TANC2: variants seen among roughly 807,000 people sequenced by gnomAD.
TANC2 encodes the protein protein TANC2.
TANC2 carries 26 observed loss-of-function variants against 210.5 expected under a neutral mutation model. The ratio of observed to expected loss-of-function variants is 0.12; its 90% CI spans 0.09 to 0.17. The LOEUF (loss-of-function observed/expected upper bound fraction) is 0.17. Among genes scored for constraint, TANC2 ranks in the 10% least tolerant of loss-of-function variants. The pLI is 1.00. For synonymous variants in TANC2, 931 were observed against 967.1 expected (o/e 0.96, Z 0.69); for missense variants, 2,129 against 2,608.9 (o/e 0.82, Z 4.01).
chr17:63,125,955 T>C (rs909123711), intron 4 of TANC2, among the ~76,000 whole-genome samples: 13 of 152,244 alleles, frequency 8.5e-5, no homozygotes, highest in African/African-American at 2.7e-4. Flanking sequence ...TTCTGACTGA[T>C]ATGCCTTACT....
intron 3 of TANC2, among the ~76,000 whole-genome samples, chr17:63,098,377 C>T (rs2037467197): frequency 6.8e-6 from 1 of 146,402 alleles, no homozygotes; most frequent in African/African-American, 2.5e-5. Flanking sequence ...GGGCTTTTAA[C>T]AAAAGTGTTG....
At chr17:62,975,555 A>ATT (rs397857262) in intron 1 of TANC2, among the ~76,000 whole-genome samples, 6 of 140,790 alleles carry the variant, frequency 4.3e-5, no homozygotes, top group African/African-American at 1.6e-4. Flanking sequence ...TTTTTTTTTA[A>ATT]TTTTTTTTTT....
chr17:63,314,453 A>G (rs754837305), exon 10 of TANC2: 2 of 1,613,954 alleles, frequency 1.2e-6, no homozygotes, highest in South Asian at 1.1e-5. Context: ...AGTGCCCAGC[A>G]TCACTACAGA....
In TANC2 at chr17:63,042,736, G is replaced by A. The variant is rs569196288; in HGVS notation, c.68-31207G>A. 5.3e-5 allele frequency among the ~76,000 whole-genome samples: 8 copies of A among 152,156 alleles called. No individual in the cohort carries two copies. In the South Asian group the frequency reaches 1.7e-3, roughly 32 times the overall value. ...TTTAAGACCTAAGTAGTTTCTGAGG[G>A]TATTGTTTATGAATCGTTCAGATTC... On this transcript the variant is annotated intron_variant, in intron 2 of 27. Transcript: ENST00000689528.
chr17:63,000,090 G>T (rs894556802), intron 1 of TANC2, among the ~76,000 whole-genome samples: 94 of 152,192 alleles, frequency 6.2e-4, no homozygotes, highest in African/African-American at 2.1e-3. Flanking sequence ...AGGATGGAGG[G>T]GTGTGGAAGG....
intron 9 of TANC2, among the ~76,000 whole-genome samples, chr17:63,284,407 TTGTC>T (rs2044157789): frequency 6.6e-6 from 1 of 152,004 alleles, no homozygotes; most frequent in Admixed American, 6.6e-5. Flanking sequence ...TTTGATGTCT[TTGTC>T]TGGTTTTAGT....
Position 63,226,454 on chromosome 17 carries a change from G to T in TANC2, c.770-11360G>T, listed in dbSNP as rs187529636. On this transcript the variant is annotated intron_variant, in intron 7 of 27. Transcript: ENST00000689528. Reference sequence around the variant, plus strand: ...TCTAGCCAGTGGTGTGCTGTGGCCAGCTAGCACCTGCAAGATTCAGTTTTT... The same window carrying T: ...TCTAGCCAGTGGTGTGCTGTGGCCATCTAGCACCTGCAAGATTCAGTTTTT... Among the ~76,000 whole-genome samples, 780 of 152,308 alleles carry T rather than the reference G, an allele frequency of 5.1e-3. 1 individual carries two copies. Among genetic ancestry groups the T allele is most frequent in the Non-Finnish European group, 7.9e-3 (538 of 68,030 alleles).
rs549314599 is a variant in TANC2, at chr17:63,305,853, A to G, written c.1160-8535A>G. On this transcript the variant is annotated intron_variant, in intron 9 of 27. Transcript: ENST00000689528. ...GGACAACCTGCCCTAAGGCACAGGAACTGGATTGGAGCAGTTTGTCAGGGT... is the reference window on the plus strand; with the variant it reads ...GGACAACCTGCCCTAAGGCACAGGAGCTGGATTGGAGCAGTTTGTCAGGGT... 6.6e-5 allele frequency among the ~76,000 whole-genome samples: 10 copies of G among 152,324 alleles called. No homozygotes were observed. In the South Asian group the frequency reaches 1.0e-3, roughly 16 times the overall value.
chr17:63,421,574 G>A lies in TANC2; in HGVS notation c.5844G>A (p.Gln1948=), dbSNP rs765178482. 7 of 1,614,006 alleles carry A rather than the reference G, an allele frequency of 4.3e-6. No homozygotes were observed. The highest frequency in any genetic ancestry group is 1.6e-4 in the Middle Eastern group (1 of 6,062). Residue 1948 remains glutamine (Q), a synonymous_variant, in exon 28 of 28, where the codon CAG becomes CAA. Coordinates refer to ENST00000689528, the Ensembl canonical transcript of TANC2. The surrounding 1 kb of genome is among the most constrained non-coding windows in gnomAD (Gnocchi z 6.9). ...AGCAGTACCCCCACCTCCACCAGCA[G>A]AATCGGACCTGGGCAGTGTCATCTG... is the stretch of plus-strand genomic sequence containing the variant.
At chr17:63,254,793 G>A (rs1359166033) in intron 8 of TANC2, among the ~76,000 whole-genome samples, 5 of 152,146 alleles carry the variant, frequency 3.3e-5, no homozygotes, top group African/African-American at 1.2e-4. Flanking sequence ...ATTTGTGTGT[G>A]TTGAACCATC....
intron 4 of TANC2, among the ~76,000 whole-genome samples, chr17:63,139,585 A>G (rs1338640510): frequency 6.6e-6 from 1 of 152,186 alleles, no homozygotes; most frequent in Non-Finnish European, 1.5e-5. Flanking sequence ...TAGCCTGGGC[A>G]ACAAGAGCGA....
chr17:63,250,083 AG>A (rs999868753), intron 8 of TANC2, among the ~76,000 whole-genome samples: 35 of 149,760 alleles, frequency 2.3e-4, no homozygotes, highest in African/African-American at 8.7e-4. Context: ...TCTAAAAAAA[AG>A]CTGTTCTTTT....
chr17:63,087,685 A>G (rs1017989741), intron 3 of TANC2, among the ~76,000 whole-genome samples: 4 of 152,182 alleles, frequency 2.6e-5, no homozygotes, highest in Non-Finnish European at 5.9e-5. Context: ...TAAAACTCAC[A>G]AAAGATTGGG....
exon 28 of TANC2, chr17:63,426,222 TCTC>T (rs2049139884): frequency 6.6e-6 from 1 of 152,198 alleles, no homozygotes; most frequent in African/African-American, 2.4e-5. Flanking sequence ...TGCAGCTCTT[TCTC>T]CTCTTCCTCT....
chr17:63,393,371 A>T (rs1349442117), intron 17 of TANC2: 1 of 152,204 alleles, frequency 6.6e-6, no homozygotes, highest in African/African-American at 2.4e-5. Flanking sequence ...CTGCTCACCA[A>T]CACACTGACC....
rs563702349 is a variant in TANC2, at chr17:62,969,358, G to T, written c.-24+2609G>T. Among the ~76,000 whole-genome samples, 22 of 152,282 alleles carry T rather than the reference G, an allele frequency of 1.4e-4. No homozygotes were observed. The South Asian group carries it at 1.5e-3, about 10-fold the overall frequency. ...TTTCCATTTAGGAATGCTAGCTCCA[G>T]AACCTGTGCTCCTCATCAATATGCT... On this transcript the variant is annotated intron_variant, in intron 1 of 27. Transcript: ENST00000689528.
chr17:63,182,496 G>T, intron 5 of TANC2: 1 of 262,956 alleles, frequency 3.8e-6, no homozygotes, highest in South Asian at 5.6e-5. Context: ...TGGTGGAAGG[G>T]ACCCATTTTT....
At chr17:63,049,927 T>G (rs1179818630) in intron 2 of TANC2, among the ~76,000 whole-genome samples, 1 of 152,074 alleles carries the variant, frequency 6.6e-6, no homozygotes, top group Non-Finnish European at 1.5e-5. Flanking sequence ...TAAGGATGAC[T>G]CCACGGTTTT....
intron 4 of TANC2, among the ~76,000 whole-genome samples, chr17:63,124,589 A>T (rs763035516): frequency 7.9e-5 from 12 of 152,194 alleles, no homozygotes; most frequent in Non-Finnish European, 1.6e-4. Context: ...AGAAACTTAC[A>T]GTCAAATACA....
Sources: gnomAD v4.1 joint callset for allele counts (sites outside exome capture counted in the v4.1 genomes callset) on GRCh38, gnomAD v4.1.1 for gene constraint, Gnocchi (gnomAD v3.1) non-coding constraint, MANE v1.5 for transcripts, NCBI Gene and HGNC (gene_info 2026-07-23, HGNC 2026-07-21) for gene names.